Variants in TBC1D22A observed in about 807,000 individuals in gnomAD.
TBC1D22A encodes putative GTPase activator.
In TBC1D22A, 38 loss-of-function variants were observed where a neutral mutation model predicts 60.2. That is an observed-to-expected ratio of 0.63 (90% CI 0.49 to 0.83). The LOEUF (loss-of-function observed/expected upper bound fraction) is 0.83, where lower values mean the gene tolerates loss of function less well. TBC1D22A is among the 40% of genes least tolerant of loss of function. TBC1D22A has a pLI of 0.00. For missense variants in TBC1D22A, 628 were observed against 701.0 expected (o/e 0.90, Z 1.18); for synonymous variants, 302 against 281.7 (o/e 1.07, Z -0.72).
At chr22:46,785,138 A>G (rs933965043) in intron 1 of TBC1D22A, among the ~76,000 whole-genome samples, 31 of 152,146 alleles carry the variant, frequency 2.0e-4, no homozygotes, top group African/African-American at 4.8e-4. Flanking sequence ...AGAAATTCAC[A>G]TGGGGCACAG....
At chr22:47,166,627 T>A (rs1026426037) in intron 12 of TBC1D22A, among the ~76,000 whole-genome samples, 8 of 152,232 alleles carry the variant, frequency 5.3e-5, no homozygotes, top group African/African-American at 1.7e-4. Context: ...TCTTGTTTAT[T>A]TCTCCATCTG....
chr22:46,826,937 T>C (rs1210785490), intron 4 of TBC1D22A, among the ~76,000 whole-genome samples: 2 of 150,796 alleles, frequency 1.3e-5, no homozygotes, highest in African/African-American at 4.9e-5. Flanking sequence ...AATCTGGTTT[T>C]AGTTTCCGTT....
chr22:47,101,820 T>G (rs995517312), intron 11 of TBC1D22A, among the ~76,000 whole-genome samples: 8 of 152,142 alleles, frequency 5.3e-5, no homozygotes, highest in Admixed American at 1.3e-4. Flanking sequence ...AGCCTCTGAC[T>G]GTTAGGATCC....
chr22:47,099,061 C>T (rs2065305127), intron 11 of TBC1D22A, among the ~76,000 whole-genome samples: 1 of 152,242 alleles, frequency 6.6e-6, no homozygotes, highest in South Asian at 2.1e-4. Context: ...CAGACCCTGA[C>T]ACAGGGGTCC....
chr22:46,968,194 C>T (rs185144365), intron 8 of TBC1D22A, among the ~76,000 whole-genome samples: 279 of 152,288 alleles, frequency 1.8e-3, no homozygotes, highest in African/African-American at 6.3e-3. Context: ...AGGGAGGCTC[C>T]GGCATGGATG....
At chr22:46,916,754 G>A (rs2070393846) in intron 8 of TBC1D22A, among the ~76,000 whole-genome samples, 1 of 152,226 alleles carries the variant, frequency 6.6e-6, no homozygotes, top group African/African-American at 2.4e-5. Flanking sequence ...AGAGGCAGGG[G>A]CAGCCGTGTG....
At chr22:47,045,227 T>C (rs4478) in intron 11 of TBC1D22A, among the ~76,000 whole-genome samples, 108,406 of 152,096 alleles carry the variant, frequency 0.71, 39,267 homozygotes, top group East Asian at 0.92. Context: ...GCGTGGCACC[T>C]GGCTGCACAC....
chr22:47,046,691 GA>G (rs1269979061), intron 11 of TBC1D22A, among the ~76,000 whole-genome samples: 3 of 152,198 alleles, frequency 2.0e-5, no homozygotes, highest in Admixed American at 2.0e-4. Context: ...CTGCTGCTGT[GA>G]TGGCGCCTGG....
At chr22:46,886,991 G>A (rs1477560481) in intron 5 of TBC1D22A, among the ~76,000 whole-genome samples, 1 of 152,186 alleles carries the variant, frequency 6.6e-6, no homozygotes, top group African/African-American at 2.4e-5. Context: ...TAAAGGGAAA[G>A]GACCAATCAT....
chr22:47,056,028 C>T lies in TBC1D22A; in HGVS notation c.1329+18830C>T, dbSNP rs146006601. On this transcript the variant is annotated intron_variant, in intron 11 of 12. Coordinates refer to ENST00000337137, the MANE Select transcript of TBC1D22A (RefSeq NM_014346.5). ...GGACTGTTGGACTGAGCAGGGCTCC[C>T]GTCATCAGGCTTCATTACTTGCTTG... Among the ~76,000 whole-genome samples, 325 of 147,364 alleles carry T rather than the reference C, an allele frequency of 2.2e-3. 2 individuals carry two copies. The highest frequency in any genetic ancestry group is 7.7e-3 in the African/African-American group (309 of 40,260).
intron 8 of TBC1D22A, among the ~76,000 whole-genome samples, chr22:46,925,427 C>T (rs1272006965): frequency 6.6e-6 from 1 of 152,242 alleles, no homozygotes; most frequent in Non-Finnish European, 1.5e-5. Flanking sequence ...GCAGGTGCCA[C>T]ATCTTTGCAT....
chr22:46,928,996 T>C (rs2071200991), intron 8 of TBC1D22A, among the ~76,000 whole-genome samples: 1 of 152,010 alleles, frequency 6.6e-6, no homozygotes, highest in African/African-American at 2.4e-5. Context: ...GAGTTTCTTC[T>C]GGGGGGAGGC....
chr22:46,879,549 C>T (rs773057728), intron 5 of TBC1D22A, among the ~76,000 whole-genome samples: 1 of 152,140 alleles, frequency 6.6e-6, no homozygotes, highest in Non-Finnish European at 1.5e-5. Flanking sequence ...CTTAGTACCT[C>T]GTAATCCTAA....
In TBC1D22A at chr22:46,801,785, G is replaced by A. The variant is rs150023344; in HGVS notation, c.637+4165G>A. On this transcript the variant is annotated intron_variant, in intron 4 of 12. Transcript: ENST00000337137. ...CCGTCAAGGAGTGGGGCCAGGCCACGGCTGTGTTCCACTTCCCCTGAGGGG... is the reference window on the plus strand; with the variant it reads ...CCGTCAAGGAGTGGGGCCAGGCCACAGCTGTGTTCCACTTCCCCTGAGGGG... Among the ~76,000 whole-genome samples, 708 of 152,340 alleles carry A rather than the reference G, an allele frequency of 4.6e-3. 5 individuals carry two copies. Among genetic ancestry groups the A allele is most frequent in the African/African-American group, 0.016 (683 of 41,586 alleles).
intron 12 of TBC1D22A, among the ~76,000 whole-genome samples, chr22:47,136,445 T>C (rs1398270342): frequency 6.6e-6 from 1 of 152,154 alleles, no homozygotes; most frequent in Admixed American, 6.5e-5. Context: ...GAGGAGTAGG[T>C]TGGTTGTCCT....
At chr22:46,821,620 G>T (rs1163500404) in intron 4 of TBC1D22A, among the ~76,000 whole-genome samples, 1 of 152,118 alleles carries the variant, frequency 6.6e-6, no homozygotes, top group Non-Finnish European at 1.5e-5. Context: ...AGTCTGATGG[G>T]CTTCCCTTTG....
intron 11 of TBC1D22A, 124 bp from the exon 12 acceptor site, chr22:47,111,384 C>T: frequency 5.2e-6 from 4 of 772,508 alleles, no homozygotes; most frequent in Non-Finnish European, 8.5e-6. Context: ...AAAAGTGAGT[C>T]AACACAAGCT....
intron 4 of TBC1D22A, among the ~76,000 whole-genome samples, chr22:46,847,427 G>A (rs958787430): frequency 2.6e-5 from 4 of 152,188 alleles, no homozygotes. Flanking sequence ...AGGTTGGCCT[G>A]GTTTATGTTA....
intron 11 of TBC1D22A, among the ~76,000 whole-genome samples, chr22:47,071,153 C>A (rs1214790856): frequency 6.6e-6 from 1 of 152,230 alleles, no homozygotes; most frequent in African/African-American, 2.4e-5. Context: ...AACCAACCTC[C>A]CATACCTTTG....
Sources: gnomAD v4.1 joint callset for allele counts (sites outside exome capture counted in the v4.1 genomes callset) on GRCh38, gnomAD v4.1.1 for gene constraint, MANE v1.5 for transcripts, NCBI Gene and HGNC (gene_info 2026-07-23, HGNC 2026-07-21) for gene names.